Variants in OSBP2 observed in about 807,000 individuals in gnomAD.
The protein encoded by OSBP2 is oxysterol binding protein 2.
OSBP2 carries 66 observed loss-of-function variants against 96.0 expected under a neutral mutation model. That is an observed-to-expected ratio of 0.69 (90% CI 0.56 to 0.84). The LOEUF (loss-of-function observed/expected upper bound fraction) is 0.84. Ranked by LOEUF, OSBP2 falls within the 40% of genes least tolerant of loss-of-function variation. The probability of loss-of-function intolerance (pLI) is 0.00; values close to 1 mark genes in which losing one functional copy is unlikely to be tolerated. For synonymous variants in OSBP2, 525 were observed against 520.9 expected (o/e 1.01, Z -0.11); for missense variants, 1,038 against 1,222.7 (o/e 0.85, Z 2.25).
At chr22:30,848,581 T>G (rs1200533872) in intron 2 of OSBP2, among the ~76,000 whole-genome samples, 1 of 152,196 alleles carries the variant, frequency 6.6e-6, no homozygotes, top group Non-Finnish European at 1.5e-5. Context: ...TCATACCTCT[T>G]TGCAGTCAAT....
intron 2 of OSBP2, among the ~76,000 whole-genome samples, chr22:30,750,966 C>T (rs2090067058): frequency 6.6e-6 from 1 of 152,160 alleles, no homozygotes; most frequent in African/African-American, 2.4e-5. Flanking sequence ...TTCTTGAACT[C>T]CTGACCTCAG....
rs1288373200 is a variant in OSBP2, at chr22:30,887,500, G to A, written c.1182G>A (p.Glu394=). Residue 394 remains glutamate (E), a synonymous_variant, in exon 4 of 14, where the codon GAG becomes GAA. Coordinates refer to ENST00000332585, the MANE Select transcript of OSBP2 (RefSeq NM_030758.4). ...AGCGGGCACTGCAGTATGAGCAGGA[G>A]CAGCGCGTGCACTTGGAGGAAACCA... ...KWQRALQYEQ[E]QRVHLEETIE... The A allele has an allele frequency of 6.2e-7, 1 of 1,613,816 alleles. No individual in the cohort carries two copies. The highest frequency in any genetic ancestry group is 1.3e-5 in the African/African-American group (1 of 75,068).
rs766520377 is a variant in OSBP2, at chr22:30,889,220, A to C, written c.1462A>C (p.Ser488Arg). Residue 488 changes from serine (S) to arginine (R), a missense_variant, in exon 6 of 14, where the codon AGC (serine) becomes CGC (arginine). Coordinates refer to ENST00000332585, the MANE Select transcript of OSBP2 (RefSeq NM_030758.4). ...CACCGGGACAAGTTCCGTGGACTGG[A>C]GCTCAGCAGACAATGTAAGTGAGGG... ...GSTGTSSVDW[S>R]SADNVLDGAS... 1 of 1,613,232 alleles carries C rather than the reference A, an allele frequency of 6.2e-7. No individual in the cohort carries two copies. The highest frequency in any genetic ancestry group is 1.7e-5 in the Admixed American group (1 of 59,956).
At chr22:30,817,167 CATTT>C (rs2091093208) in intron 2 of OSBP2, among the ~76,000 whole-genome samples, 1 of 152,214 alleles carries the variant, frequency 6.6e-6, no homozygotes, top group Non-Finnish European at 1.5e-5. Context: ...AGTGCAGAAT[CATTT>C]ATTAATGAGG....
At chr22:30,785,332 G>T (rs180681882) in intron 2 of OSBP2, among the ~76,000 whole-genome samples, 34 of 152,096 alleles carry the variant, frequency 2.2e-4, no homozygotes, top group Non-Finnish European at 3.7e-4. Context: ...ACTTTGGGAG[G>T]CCAAGGCAAG....
At chr22:30,737,499 A>T (rs555042864) in intron 1 of OSBP2, among the ~76,000 whole-genome samples, 227 of 147,460 alleles carry the variant, frequency 1.5e-3, no homozygotes, top group Middle Eastern at 0.011. Flanking sequence ...ATTAAAAAAA[A>T]TTTTTTTTTG....
At chr22:30,724,072 A>G (rs1169831321) in intron 1 of OSBP2, among the ~76,000 whole-genome samples, 4 of 152,060 alleles carry the variant, frequency 2.6e-5, no homozygotes, top group Non-Finnish European at 1.5e-5. Flanking sequence ...CCAAGCAACC[A>G]CTGATCTTTT....
intron 1 of OSBP2, 31 bp from the exon 2 acceptor site, chr22:30,741,130 C>T: frequency 6.4e-7 from 1 of 1,555,932 alleles, no homozygotes; most frequent in Non-Finnish European, 8.9e-7. Flanking sequence ...GATTAGGAGC[C>T]TCACCCCATT....
chr22:30,742,116 G>A (rs555257926), intron 2 of OSBP2, among the ~76,000 whole-genome samples: 13 of 150,340 alleles, frequency 8.6e-5, no homozygotes, highest in East Asian at 4.2e-4. Flanking sequence ...CACCGCGCCC[G>A]GCCAATAAAT....
chr22:30,727,568 G>T (rs2089671308), intron 1 of OSBP2, among the ~76,000 whole-genome samples: 1 of 152,058 alleles, frequency 6.6e-6, no homozygotes, highest in Admixed American at 6.6e-5. Context: ...CCCCAGAGAG[G>T]ACACTGATAC....
chr22:30,772,510 C>T (rs2090361587), intron 2 of OSBP2, among the ~76,000 whole-genome samples: 2 of 152,124 alleles, frequency 1.3e-5, no homozygotes, highest in African/African-American at 4.8e-5. Context: ...AACTCCTGTG[C>T]AGAGATGTTT....
chr22:30,905,420 G>A lies in OSBP2; in HGVS notation c.2376-417G>A, dbSNP rs538314766. On this transcript the variant is annotated intron_variant, in intron 12 of 13. Transcript: ENST00000332585. ...GCCTCCCAAAGCGCTGGGATTACAG[G>A]CGTGAGCCACCGTGCCCAGCGGAGA... Among the ~76,000 whole-genome samples the A allele has an allele frequency of 4.6e-5, 7 of 151,796 alleles. No individual in the cohort carries two copies. In the South Asian group the frequency reaches 1.2e-3, roughly 27 times the overall value.
chr22:30,882,467 C>T (rs1182856083), intron 3 of OSBP2, among the ~76,000 whole-genome samples: 3 of 151,550 alleles, frequency 2.0e-5, no homozygotes, highest in African/African-American at 7.3e-5. Flanking sequence ...GTCCCTCAGT[C>T]ACCCTGAGCC....
chr22:30,858,909 T>C (rs1374139324), intron 2 of OSBP2, among the ~76,000 whole-genome samples: 1 of 130,650 alleles, frequency 7.7e-6, no homozygotes, highest in African/African-American at 2.7e-5. Flanking sequence ...ATAATAATAA[T>C]AATAAAAGCA....
chr22:30,822,909 G>A (rs2038313655), intron 2 of OSBP2, among the ~76,000 whole-genome samples: 1 of 152,352 alleles, frequency 6.6e-6, no homozygotes, highest in East Asian at 1.9e-4. Flanking sequence ...CACGCGCGGG[G>A]CATTTTGGAG....
chr22:30,836,071 A>T (rs1415788774), intron 2 of OSBP2, among the ~76,000 whole-genome samples: 1 of 152,084 alleles, frequency 6.6e-6, no homozygotes, highest in Non-Finnish European at 1.5e-5. Context: ...CTATTTATTG[A>T]GCAGTTTCTC....
intron 1 of OSBP2, chr22:30,731,748 G>C (rs1278914720): frequency 6.5e-6 from 1 of 154,392 alleles, no homozygotes; most frequent in East Asian, 1.9e-4. Flanking sequence ...TCCCATCAGT[G>C]ACAGAAGCCA....
chr22:30,898,246 G>A (rs1013615028), intron 12 of OSBP2, among the ~76,000 whole-genome samples: 1 of 152,024 alleles, frequency 6.6e-6, no homozygotes, highest in Non-Finnish European at 1.5e-5. Context: ...CAGATACTCA[G>A]GAGGACTGAG....
chr22:30,754,526 A>T (rs2090117808), intron 2 of OSBP2, among the ~76,000 whole-genome samples: 1 of 152,136 alleles, frequency 6.6e-6, no homozygotes, highest in Non-Finnish European at 1.5e-5. Context: ...GCCCATGCAG[A>T]GGAGAGAAGA....
Sources: gnomAD v4.1 joint callset for allele counts (sites outside exome capture counted in the v4.1 genomes callset) on GRCh38, gnomAD v4.1.1 for gene constraint, MANE v1.5 for transcripts, NCBI Gene and HGNC (gene_info 2026-07-23, HGNC 2026-07-21) for gene names.